NTM: variants seen among roughly 807,000 people sequenced by gnomAD.
NTM encodes the protein neurotrimin, also known as IgLON family member 2.
Under a neutral mutation model 42.1 loss-of-function variants are expected in NTM, and 13 were observed. The ratio of observed to expected loss-of-function variants is 0.31; its 90% CI spans 0.20 to 0.49. The LOEUF is 0.49. Ranked by LOEUF, NTM falls within the 20% of genes least tolerant of loss-of-function variation. NTM has a pLI of 0.99. For missense variants in NTM, 373 were observed against 452.8 expected, an observed-to-expected ratio of 0.82 and a Z score of 1.60; for synonymous variants, 187 against 179.2, an observed-to-expected ratio of 1.04 and a Z score of -0.35.
At chr11:131,554,363 C>G (rs1208026096) in intron 1 of NTM, among the ~76,000 whole-genome samples, 1 of 152,184 alleles carries the variant, frequency 6.6e-6, no homozygotes, top group East Asian at 1.9e-4. Flanking sequence ...AGAAAGCAAG[C>G]TCCTCCAATA....
At chr11:131,873,348 C>T (rs1312912996) in intron 1 of NTM, among the ~76,000 whole-genome samples, 1 of 150,798 alleles carries the variant, frequency 6.6e-6, no homozygotes, top group Non-Finnish European at 1.5e-5. Context: ...ACATCACACA[C>T]CGGGGCCTGT....
rs115370808 is a variant in NTM at position 131,883,180 on chromosome 11, C to T, written c.83-28384C>T. Among the ~76,000 whole-genome samples, 902 of 152,310 alleles carry T rather than the reference C, an allele frequency of 5.9e-3. 6 individuals are homozygous for T. Among genetic ancestry groups the T allele is most frequent in the African/African-American group, 0.021 (866 of 41,570 alleles). On this transcript the variant is annotated intron_variant, in intron 1 of 8. Transcript: ENST00000683400. ...GCTGTTTGCTACTTGTCAAGACTTACACATCAGGACATAACCTTTTCATGC... is the reference window on the plus strand; with the variant it reads ...GCTGTTTGCTACTTGTCAAGACTTATACATCAGGACATAACCTTTTCATGC...
At chr11:131,878,468 G>T (rs1462735550) in intron 1 of NTM, among the ~76,000 whole-genome samples, 1 of 149,052 alleles carries the variant, frequency 6.7e-6, no homozygotes, top group Non-Finnish European at 1.5e-5. Context: ...TATTCAGGAG[G>T]CTGAGGCAGG....
chr11:131,926,583 G>GA (rs1269102783), intron 2 of NTM, among the ~76,000 whole-genome samples: 3 of 152,134 alleles, frequency 2.0e-5, no homozygotes, highest in Non-Finnish European at 4.4e-5. Context: ...GGGATCTGGG[G>GA]GGTCCTCGGT....
chr11:131,838,774 A>G (rs560609383), intron 1 of NTM, among the ~76,000 whole-genome samples: 1 of 152,254 alleles, frequency 6.6e-6, no homozygotes, highest in Admixed American at 6.5e-5. Flanking sequence ...TAGAATAAGA[A>G]TACAAAAAAA....
chr11:132,211,859 G>A lies in NTM; in HGVS notation c.401-163G>A, dbSNP rs1238494037. The A allele has an allele frequency of 5.4e-6, 3 of 556,506 alleles. No individual in the cohort carries two copies. In the African/African-American group the frequency reaches 6.0e-5, roughly 11 times the overall value. 34.5% of individuals were successfully genotyped at this position (556,506 alleles called of 1,614,324 possible). ...AGGAGGAAATCAAAGCTAAATTAAA[G>A]GTAAGACTTTTTTATGTTTAAGGTA... On this transcript the variant is annotated intron_variant, in intron 3 of 8. Coordinates refer to ENST00000683400, the MANE Select transcript of NTM (RefSeq NM_001352005.2).
intron 1 of NTM, among the ~76,000 whole-genome samples, chr11:131,761,440 C>A (rs1325165821): frequency 1.3e-5 from 2 of 152,066 alleles, no homozygotes; most frequent in Non-Finnish European, 1.5e-5. Flanking sequence ...GGAGATGGGG[C>A]CTTTGAGAGG....
intron 1 of NTM, among the ~76,000 whole-genome samples, chr11:131,577,927 T>C (rs1342306776): frequency 6.6e-6 from 1 of 152,220 alleles, no homozygotes; most frequent in Non-Finnish European, 1.5e-5. Context: ...ATAGCTTTAT[T>C]GCAATGACAA....
intron 6 of NTM, among the ~76,000 whole-genome samples, chr11:132,314,163 TCATCATCACCATCAC>T (rs1389613479): frequency 3.3e-5 from 5 of 151,776 alleles, no homozygotes; most frequent in African/African-American, 1.2e-4. Context: ...TGCATGGTTG[TCATCATCACCATCAC>T]CATCATCATC....
intron 1 of NTM, among the ~76,000 whole-genome samples, chr11:131,390,176 C>T (rs576461813): frequency 8.4e-4 from 128 of 152,182 alleles, no homozygotes; most frequent in Non-Finnish European, 1.2e-3. Flanking sequence ...AGAGAAGGGG[C>T]GCTTTCATGT....
intron 1 of NTM, among the ~76,000 whole-genome samples, chr11:131,662,767 G>T (rs767299880): frequency 2.6e-5 from 4 of 152,096 alleles, no homozygotes; most frequent in Non-Finnish European, 5.9e-5. Flanking sequence ...AAAAGAGACG[G>T]CCTTCCCTCC....
At chr11:132,159,871 C>T (rs1475195719) in intron 3 of NTM, among the ~76,000 whole-genome samples, 1 of 152,208 alleles carries the variant, frequency 6.6e-6, no homozygotes, top group African/African-American at 2.4e-5. Flanking sequence ...ACATTTCTTA[C>T]ATCAAATCCT....
chr11:132,169,428 T>C (rs1357339327), intron 3 of NTM, among the ~76,000 whole-genome samples: 1 of 137,894 alleles, frequency 7.3e-6, no homozygotes, highest in African/African-American at 2.7e-5. Context: ...TTCTGCCTCC[T>C]GGGTTCAATC....
rs2135330217 is a variant in NTM at position 132,003,708 on chromosome 11, C to G, written c.167+92060C>G. ...GCTCAATCACATGTCCCACATGGAGCCCACTCTTTCCCATGGTACAAAACC... is the reference window on the plus strand; with the variant it reads ...GCTCAATCACATGTCCCACATGGAGGCCACTCTTTCCCATGGTACAAAACC... On this transcript the variant is annotated intron_variant, in intron 2 of 8. Coordinates refer to ENST00000683400, the MANE Select transcript of NTM (RefSeq NM_001352005.2). This position sits in a 1 kb window ranked among gnomAD's most constrained non-coding sequence, Gnocchi z 6.0. 6.6e-6 allele frequency among the ~76,000 whole-genome samples: 1 copy of G among 151,866 alleles called. No individual in the cohort carries two copies. The highest frequency in any genetic ancestry group is 1.5e-5 in the Non-Finnish European group (1 of 67,932).
At chr11:131,418,676 C>T (rs1947193409) in intron 1 of NTM, among the ~76,000 whole-genome samples, 1 of 152,152 alleles carries the variant, frequency 6.6e-6, no homozygotes, top group South Asian at 2.1e-4. Flanking sequence ...TGTGCAAAGC[C>T]AACTACTTCT....
intron 1 of NTM, among the ~76,000 whole-genome samples, chr11:131,806,936 G>A (rs1160384963): frequency 1.3e-5 from 2 of 152,174 alleles, no homozygotes; most frequent in African/African-American, 2.4e-5. Context: ...TATAAATATT[G>A]CCATGGGGAT....
chr11:131,848,933 A>T (rs1255122485), intron 1 of NTM, among the ~76,000 whole-genome samples: 1 of 152,194 alleles, frequency 6.6e-6, no homozygotes, highest in Non-Finnish European at 1.5e-5. Flanking sequence ...AGAAAAGGGT[A>T]TCGTAAATAA....
chr11:132,251,019 A>G (rs908988524), intron 4 of NTM, among the ~76,000 whole-genome samples: 5 of 152,292 alleles, frequency 3.3e-5, no homozygotes, highest in Middle Eastern at 3.4e-3. Flanking sequence ...AATGATTTAT[A>G]TTTACTTCTG....
chr11:131,760,819 C>T (rs1400533421), intron 1 of NTM, among the ~76,000 whole-genome samples: 2 of 152,148 alleles, frequency 1.3e-5, no homozygotes, highest in African/African-American at 4.8e-5. Context: ...GCTAAGGAAA[C>T]CTGTTCCAGG....
Sources: allele counts gnomAD v4.1 joint callset (sites outside exome capture counted in the v4.1 genomes callset), GRCh38; gene constraint gnomAD v4.1.1; non-coding constraint Gnocchi (gnomAD v3.1); transcripts MANE v1.5; gene names NCBI Gene and HGNC (gene_info 2026-07-23, HGNC 2026-07-21).